Variants in IHO1 observed in about 807,000 individuals in gnomAD.
IHO1 encodes the protein interactor of HORMAD1 1.
Under a neutral mutation model 31.0 loss-of-function variants are expected in IHO1, and 13 were observed. The observed-to-expected ratio is 0.42, with a 90% CI of 0.27 to 0.67. The LOEUF is 0.67. Ranked by LOEUF, IHO1 falls within the 30% of genes least tolerant of loss-of-function variation. The pLI, the probability that IHO1 is intolerant of heterozygous loss-of-function variation, is 0.24. For synonymous variants in IHO1, 221 were observed against 248.4 expected, an observed-to-expected ratio of 0.89 and a Z score of 1.04; for missense variants, 599 against 687.5, an observed-to-expected ratio of 0.87 and a Z score of 1.44.
chr3:49,246,072 C>T (rs1374615522), intron 6 of IHO1, among the ~76,000 whole-genome samples: 5 of 151,398 alleles, frequency 3.3e-5, no homozygotes, highest in African/African-American at 9.7e-5. Flanking sequence ...GTCCCAGCTA[C>T]TCGGGAGGCT....
intron 1 of IHO1, among the ~76,000 whole-genome samples, chr3:49,202,268 C>T (rs1345141013): frequency 1.3e-5 from 2 of 150,212 alleles, no homozygotes; most frequent in African/African-American, 4.9e-5. Context: ...TGATGTGTTG[C>T]AGAGAAAAAA....
At chr3:49,191,474 A>G in the IHO1 span, among the ~76,000 whole-genome samples, 1 of 152,166 alleles carries the variant, frequency 6.6e-6, no homozygotes, top group Non-Finnish European at 1.5e-5. Flanking sequence ...AGGCTCAAAC[A>G]ATTAACTAGG....
At chr3:49,191,855 A>G in the IHO1 span, 2 of 1,370,326 alleles carry the variant, frequency 1.5e-6, no homozygotes, top group African/African-American at 2.9e-5. Flanking sequence ...CTGGAGGTCA[A>G]TTTTTTGTTG....
upstream of IHO1, among the ~76,000 whole-genome samples, chr3:49,196,491 T>TGTA (rs2045997091): frequency 6.9e-6 from 1 of 145,294 alleles, no homozygotes; most frequent in Non-Finnish European, 1.5e-5. Flanking sequence ...GCTATTTTTT[T>TGTA]TCTTTTTTTG....
chr3:49,247,901 A>T (rs2046713691), intron 6 of IHO1, among the ~76,000 whole-genome samples: 1 of 147,334 alleles, frequency 6.8e-6, no homozygotes, highest in Non-Finnish European at 1.5e-5. Context: ...AAGGCAGGTG[A>T]ATCACTTGAG....
intron 1 of IHO1, among the ~76,000 whole-genome samples, chr3:49,204,959 C>T (rs998380371): frequency 4.6e-5 from 7 of 151,022 alleles, no homozygotes; most frequent in Non-Finnish European, 8.8e-5. Flanking sequence ...ACCCGGAAGG[C>T]GGAGGTTGCA....
intron 3 of IHO1, among the ~76,000 whole-genome samples, chr3:49,237,681 T>C (rs1228001910): frequency 6.6e-6 from 1 of 151,702 alleles, no homozygotes; most frequent in Non-Finnish European, 1.5e-5. Flanking sequence ...TTTCATAAAA[T>C]AGAAATAAAA....
At chr3:49,195,628 G>A (rs1365951144), upstream of IHO1, among the ~76,000 whole-genome samples, 1 of 150,360 alleles carries the variant, frequency 6.7e-6, no homozygotes, top group Admixed American at 6.7e-5. Context: ...GCAGGAGAAT[G>A]GTGTGAACCC....
At chr3:49,208,576 T>C (rs1274202672) in intron 1 of IHO1, among the ~76,000 whole-genome samples, 3 of 152,192 alleles carry the variant, frequency 2.0e-5, no homozygotes, top group Non-Finnish European at 2.9e-5. Flanking sequence ...GGTTGGGAAC[T>C]GCTGCCCTAG....
intron 2 of IHO1, among the ~76,000 whole-genome samples, chr3:49,233,232 G>A (rs565970594): frequency 6.6e-6 from 1 of 152,312 alleles, no homozygotes; most frequent in Non-Finnish European, 1.5e-5. Context: ...AAGAGTTCCT[G>A]TTATCTGGAA....
chr3:49,197,187 TCACCGTG>T, upstream of IHO1, among the ~76,000 whole-genome samples: 1 of 150,426 alleles, frequency 6.6e-6, no homozygotes, highest in Non-Finnish European at 1.5e-5. Context: ...AGACGGGGTT[TCACCGTG>T]TTAGCCAGGA....
intron 3 of IHO1, among the ~76,000 whole-genome samples, chr3:49,240,920 G>A (rs1407394444): frequency 2.0e-5 from 3 of 152,188 alleles, no homozygotes; most frequent in Non-Finnish European, 4.4e-5. Flanking sequence ...AACACATCAT[G>A]TCAGAAATAG....
intron 2 of IHO1, among the ~76,000 whole-genome samples, chr3:49,234,164 T>G (rs961025526): frequency 7.4e-6 from 1 of 135,108 alleles, no homozygotes; most frequent in Non-Finnish European, 1.6e-5. Flanking sequence ...TTGTTGTTGT[T>G]TTTTTTTTTT....
At chr3:49,200,064 G>A (rs1201883679) in intron 1 of IHO1, among the ~76,000 whole-genome samples, 3 of 152,210 alleles carry the variant, frequency 2.0e-5, no homozygotes, top group Non-Finnish European at 4.4e-5. Flanking sequence ...GTTTGAGGCG[G>A]GCCGGTGGCC....
chr3:49,228,628 C>G (rs1421828818), intron 2 of IHO1, among the ~76,000 whole-genome samples: 1 of 152,102 alleles, frequency 6.6e-6, no homozygotes, highest in Non-Finnish European at 1.5e-5. Context: ...TGTTACAGCT[C>G]TTAAAGATGG....
chr3:49,214,854 G>C (rs1055142824), intron 2 of IHO1, among the ~76,000 whole-genome samples: 10 of 151,040 alleles, frequency 6.6e-5, no homozygotes, highest in Admixed American at 3.3e-4. Flanking sequence ...TGGAAAGTCT[G>C]ATCTCAAACA....
chr3:49,201,040 C>T (rs2046063145), intron 1 of IHO1, among the ~76,000 whole-genome samples: 1 of 151,584 alleles, frequency 6.6e-6, no homozygotes, highest in African/African-American at 2.4e-5. Flanking sequence ...GTTGCCCAGG[C>T]TGGAGTGCAG....
At chr3:49,222,900 C>T (rs1465845627) in intron 2 of IHO1, among the ~76,000 whole-genome samples, 2 of 152,070 alleles carry the variant, frequency 1.3e-5, no homozygotes, top group Non-Finnish European at 2.9e-5. Context: ...TCCACTCCTG[C>T]CACCTTAACT....
At chr3:49,245,920 C>T (rs564798583) in intron 6 of IHO1, among the ~76,000 whole-genome samples, 9 of 150,226 alleles carry the variant, frequency 6.0e-5, no homozygotes, top group Non-Finnish European at 7.4e-5. Flanking sequence ...ACAGTGGCTC[C>T]CACTTGTAAT....
Sources: allele counts gnomAD v4.1 joint callset (sites outside exome capture counted in the v4.1 genomes callset), GRCh38; gene constraint gnomAD v4.1.1; transcripts MANE v1.5; gene names NCBI Gene and HGNC (gene_info 2026-07-23, HGNC 2026-07-21).